The following NLK variants were observed in gnomAD, a reference collection of about 807,000 sequenced individuals.
The protein encoded by NLK is serine/threonine-protein kinase NLK.
Under a neutral mutation model 59.0 loss-of-function variants are expected in NLK, and 11 were observed. That is an observed-to-expected ratio of 0.19 (90% CI 0.12 to 0.31). NLK has a LOEUF of 0.31. NLK is among the 10% of genes least tolerant of loss of function. The probability of loss-of-function intolerance (pLI) is 1.00; values close to 1 mark genes in which losing one functional copy is unlikely to be tolerated. For missense variants in NLK, 410 were observed against 661.1 expected, an observed-to-expected ratio of 0.62 and a Z score of 4.16; for synonymous variants, 235 against 235.9, an observed-to-expected ratio of 1.00 and a Z score of 0.03.
At chr17:28,203,160 T>TACACACACACACACACACACAC in the NLK span, among the ~76,000 whole-genome samples, 154 of 127,132 alleles carry the variant, frequency 1.2e-3, 1 homozygote, top group African/African-American at 5.1e-3. Flanking sequence ...TGTATATACA[T>TACACACACACACACACACACAC]ACATACACAC....
intron 1 of NLK, among the ~76,000 whole-genome samples, chr17:28,076,922 A>C (rs145163186): frequency 1.3e-5 from 2 of 152,120 alleles, no homozygotes; most frequent in Non-Finnish European, 2.9e-5. Context: ...AGCTTGTAAG[A>C]TTGACAATTA....
At chr17:28,158,663 T>C (rs1024621569) in intron 3 of NLK, among the ~76,000 whole-genome samples, 2 of 152,114 alleles carry the variant, frequency 1.3e-5, no homozygotes, top group South Asian at 4.1e-4. Context: ...TTTTTCTCAC[T>C]CTGTTGCCTA....
intron 1 of NLK, among the ~76,000 whole-genome samples, chr17:28,065,425 A>G (rs1401717261): frequency 6.6e-6 from 1 of 152,180 alleles, no homozygotes; most frequent in African/African-American, 2.4e-5. Context: ...CATTATGGTT[A>G]GAATGTAGGA....
chr17:28,200,784 C>G (rs1299334986), downstream of NLK, among the ~76,000 whole-genome samples: 3 of 152,204 alleles, frequency 2.0e-5, no homozygotes, highest in African/African-American at 7.2e-5. Context: ...GCCCGGCCAA[C>G]TTTGTTACTT....
chr17:28,143,252 C>T (rs1013808102), intron 3 of NLK, among the ~76,000 whole-genome samples: 2 of 151,902 alleles, frequency 1.3e-5, no homozygotes, highest in African/African-American at 4.8e-5. Context: ...CCATGTTGGC[C>T]AGGATGGTCT....
chr17:28,173,644 A>G (rs544132912), intron 7 of NLK, among the ~76,000 whole-genome samples: 12 of 152,194 alleles, frequency 7.9e-5, no homozygotes, highest in Non-Finnish European at 8.8e-5. Context: ...TTTCTGTTGC[A>G]TTTGGTTTAG....
chr17:28,132,663 A>C lies in NLK; in HGVS notation c.632A>C (p.Tyr211Ser). The C allele has an allele frequency of 2.5e-6, 4 of 1,610,070 alleles. No individual in the cohort carries two copies. Among genetic ancestry groups the C allele is most frequent in the Non-Finnish European group, 3.4e-6 (4 of 1,177,828 alleles). Reference sequence around the variant, plus strand: ...ATACTCCAACCTCCACACATTGACTATTTTGAAGAAATGTATCCTAACCAG... The same window carrying C: ...ATACTCCAACCTCCACACATTGACTCTTTTGAAGAAATGTATCCTAACCAG... The part of the protein sequence containing the change: ...LDILQPPHID[Y>S]FEEIYVVTEL... Residue 211 changes from tyrosine (Y) to serine (S), a missense_variant, in exon 3 of 11, where the codon TAT (tyrosine) becomes TCT (serine). Tyr to Ser is a moderately radical substitution (Grantham distance 144). This residue lies in a region of NLK where 73 missense variants were observed against 197.2 expected (regional missense o/e 0.37). Transcript: ENST00000407008.
intron 1 of NLK, among the ~76,000 whole-genome samples, chr17:28,074,968 T>G (rs571577772): frequency 6.6e-6 from 1 of 152,362 alleles, no homozygotes; most frequent in South Asian, 2.1e-4. Context: ...TTTTATAATA[T>G]GCACTTTTCA....
intron 1 of NLK, among the ~76,000 whole-genome samples, chr17:28,051,079 CAAA>C (rs564894359): frequency 1.6e-4 from 10 of 63,362 alleles, no homozygotes; most frequent in Admixed American, 3.6e-4. Flanking sequence ...GAACCTGTCT[CAAA>C]AAAAAAAAAA....
chr17:28,184,234 C>T (rs1176849429), intron 7 of NLK, among the ~76,000 whole-genome samples: 5 of 152,186 alleles, frequency 3.3e-5, no homozygotes, highest in African/African-American at 4.8e-5. Context: ...TCCTTTGGCT[C>T]CTTTAGGACT....
chr17:28,146,114 A>G (rs901910977), intron 3 of NLK, among the ~76,000 whole-genome samples: 207 of 152,254 alleles, frequency 1.4e-3, no homozygotes, highest in Non-Finnish European at 2.5e-3. Context: ...ATACATTTTG[A>G]AAAAGGCCAT....
At chr17:28,197,038 A>G (rs1001291618), downstream of NLK, among the ~76,000 whole-genome samples, 1 of 152,198 alleles carries the variant, frequency 6.6e-6, no homozygotes, top group Non-Finnish European at 1.5e-5. Flanking sequence ...TTTATTATTC[A>G]TTCAACAAAA....
At chr17:28,169,596 G>A (rs1463634875) in intron 6 of NLK, among the ~76,000 whole-genome samples, 2 of 152,030 alleles carry the variant, frequency 1.3e-5, no homozygotes, top group South Asian at 2.1e-4. Flanking sequence ...TGAAAATAAT[G>A]TAGTAACTAT....
chr17:28,164,594 A>G (rs1908145431), intron 5 of NLK, among the ~76,000 whole-genome samples: 1 of 152,184 alleles, frequency 6.6e-6, no homozygotes, highest in African/African-American at 2.4e-5. Flanking sequence ...GGGCTTGCAA[A>G]TAGCAAAGTC....
At position 28,111,861 on chromosome 17, in the gene NLK, C is replaced by CGTGTGTGT. The variant is rs144479598; in HGVS notation, c.459-10714_459-10707dup. Among the ~76,000 whole-genome samples, 96 of 74,082 alleles carry CGTGTGTGT rather than the reference C, an allele frequency of 1.3e-3. 3 individuals are homozygous for CGTGTGTGT. The highest frequency in any genetic ancestry group is 2.2e-3 in the Admixed American group (15 of 6,774). 48.6% of individuals were successfully genotyped at this position (74,082 alleles called of 152,430 possible). On this transcript the variant is annotated intron_variant, in intron 1 of 10. Coordinates refer to ENST00000407008, the MANE Select transcript of NLK (RefSeq NM_016231.5). ...CATTTTGAGCTAATAAGGCTTATAC[C>CGTGTGTGT]GTGTGTGTGTGTGTGTGTGTGTGTG...
At position 28,117,603 on chromosome 17, in the gene NLK, AT is replaced by A. The variant is rs1905837346; in HGVS notation, c.459-4998del. Among the ~76,000 whole-genome samples, 4 of 152,330 alleles carry A rather than the reference AT, an allele frequency of 2.6e-5. No homozygotes were observed. In the South Asian group the frequency reaches 8.3e-4, roughly 32 times the overall value. On this transcript the variant is annotated intron_variant, in intron 1 of 10. Transcript: ENST00000407008. Reference sequence around the variant, plus strand: ...TATTTTGCTGCTCCTAAGGAATAATATTAGGAGGATATGAAGAAAAGAATGA... The same window carrying A: ...TATTTTGCTGCTCCTAAGGAATAATATAGGAGGATATGAAGAAAAGAATGA...
chr17:28,045,938 C>A (rs925274626), intron 1 of NLK, among the ~76,000 whole-genome samples: 1 of 152,124 alleles, frequency 6.6e-6, no homozygotes. Context: ...TGATTGAAAC[C>A]GCCATGTAAC....
intron 1 of NLK, among the ~76,000 whole-genome samples, chr17:28,088,756 T>A (rs1904372865): frequency 1.3e-5 from 2 of 152,200 alleles, no homozygotes; most frequent in South Asian, 4.1e-4. Context: ...CTGTACATTT[T>A]CTAACCCAGA....
intron 8 of NLK, among the ~76,000 whole-genome samples, chr17:28,190,116 T>A (rs1416981994): frequency 2.6e-5 from 4 of 152,360 alleles, no homozygotes; most frequent in Admixed American, 2.6e-4. Context: ...TTGGTCATAT[T>A]GGAATCAGGG....
Sources: allele counts gnomAD v4.1 joint callset (sites outside exome capture counted in the v4.1 genomes callset), GRCh38; gene constraint gnomAD v4.1.1; regional missense constraint gnomAD v4.1.1; transcripts MANE v1.5; gene names NCBI Gene and HGNC (gene_info 2026-07-23, HGNC 2026-07-21).